The following STOX2 variants were observed in gnomAD, a reference collection of about 807,000 sequenced individuals.
STOX2 encodes the protein storkhead-box protein 2.
Under a neutral mutation model 60.9 loss-of-function variants are expected in STOX2, and 28 were observed. The ratio of observed to expected loss-of-function variants is 0.46; its 90% CI spans 0.34 to 0.63. The LOEUF (loss-of-function observed/expected upper bound fraction) is 0.63, where lower values mean the gene tolerates loss of function less well. Ranked by LOEUF, STOX2 falls within the 30% of genes least tolerant of loss-of-function variation. The pLI is 0.01. For synonymous variants in STOX2, 472 were observed against 463.9 expected (o/e 1.02, Z -0.22); for missense variants, 1,024 against 1,187.7 (o/e 0.86, Z 2.03).
chr4:183,912,777 C>T (rs933425922), intron 1 of STOX2, among the ~76,000 whole-genome samples: 4 of 152,058 alleles, frequency 2.6e-5, no homozygotes, highest in Non-Finnish European at 4.4e-5. Context: ...GGCATGTATC[C>T]GGCACACAGT....
intron 1 of STOX2, among the ~76,000 whole-genome samples, chr4:183,922,491 G>A (rs79039217): frequency 3.3e-5 from 5 of 151,610 alleles, no homozygotes; most frequent in Admixed American, 6.6e-5. Context: ...GATTACAGGC[G>A]CCCCCCACCA....
chr4:183,957,753 T>C (rs536165644), intron 1 of STOX2, among the ~76,000 whole-genome samples: 39 of 152,348 alleles, frequency 2.6e-4, no homozygotes, highest in African/African-American at 8.4e-4. Context: ...TTGGACCTAT[T>C]TGTGATGATC....
At position 183,833,908 on chromosome 4, in the gene STOX2, G is replaced by T. The variant is rs545613934; in HGVS notation, c.364+35853G>T. On this transcript the variant is annotated intron_variant, in intron 1 of 2. Coordinates refer to the STOX2 transcript ENST00000513034. ...GAGGCAGGAGAATGGCGTGAACCCG[G>T]GAGGCGGAGCTTGCAGTGAGCCGAG... Among the ~76,000 whole-genome samples the T allele has an allele frequency of 9.3e-5, 14 of 150,924 alleles. No individual in the cohort carries two copies. The East Asian group carries it at 2.7e-3, about 29-fold the overall frequency.
intron 1 of STOX2, among the ~76,000 whole-genome samples, chr4:183,841,092 T>C (rs1037522741): frequency 6.6e-6 from 1 of 152,236 alleles, no homozygotes; most frequent in Admixed American, 6.5e-5. Context: ...GGTCTCAAAT[T>C]CTTGGGCTCA....
At chr4:183,926,146 A>T (rs1282522179) in intron 1 of STOX2, among the ~76,000 whole-genome samples, 1 of 152,246 alleles carries the variant, frequency 6.6e-6, no homozygotes. Flanking sequence ...ATGTGTTTTT[A>T]AAATTCAGAG....
Position 183,806,945 on chromosome 4 carries a change from T to A in STOX2, c.364+8890T>A, listed in dbSNP as rs1738904858. On this transcript the variant is annotated intron_variant, in intron 1 of 2. Transcript: ENST00000513034. This position sits in a 1 kb window ranked among gnomAD's most constrained non-coding sequence, Gnocchi z 4.1. ...CCCCCATGCCTGGAGGGGGCCTTTG[T>A]GAGTCCCAGATGCTTTCTGACACTT... Among the ~76,000 whole-genome samples, 1 of 151,116 alleles carries A rather than the reference T, an allele frequency of 6.6e-6. No homozygotes were observed. Among genetic ancestry groups the A allele is most frequent in the Admixed American group, 6.6e-5 (1 of 15,126 alleles).
chr4:184,014,823 T>C (rs1471863118), intron 3 of STOX2: 1 of 152,178 alleles, frequency 6.6e-6, no homozygotes, highest in Non-Finnish European at 1.5e-5. Flanking sequence ...GATCTTACAG[T>C]AGAGACAGAC....
chr4:183,955,329 G>C (rs956458166), intron 1 of STOX2, among the ~76,000 whole-genome samples: 1 of 152,170 alleles, frequency 6.6e-6, no homozygotes, highest in Non-Finnish European at 1.5e-5. Flanking sequence ...ACAGCCATTC[G>C]TTTTGTCTGC....
chr4:183,838,337 A>T (rs1739765841), intron 1 of STOX2, among the ~76,000 whole-genome samples: 1 of 151,494 alleles, frequency 6.6e-6, no homozygotes, highest in African/African-American at 2.4e-5. Context: ...ATATATTGAA[A>T]TATTTAAATA....
chr4:184,005,771 T>G (rs1255147890), intron 2 of STOX2, among the ~76,000 whole-genome samples: 3 of 152,206 alleles, frequency 2.0e-5, no homozygotes, highest in African/African-American at 7.2e-5. Flanking sequence ...TAGGGCTTCA[T>G]AATACAATGA....
chr4:184,021,235 G>T lies in STOX2; in HGVS notation c.*3951G>T, dbSNP rs1392045257. 1 of 152,120 alleles carries T rather than the reference G, an allele frequency of 6.6e-6. No homozygotes were observed. The highest frequency in any genetic ancestry group is 1.9e-4 in the East Asian group (1 of 5,200). 9.4% of individuals were successfully genotyped at this position (152,120 alleles called of 1,614,324 possible). On this transcript the variant is annotated 3_prime_UTR_variant, in exon 4 of 4. Coordinates refer to ENST00000308497, the MANE Select transcript of STOX2 (RefSeq NM_020225.3). ...GATTTACAAACAATTCACAAGACAG[G>T]TCATCTTTGTAATACGCATACTTAC... is the stretch of plus-strand genomic sequence containing the variant.
intron 1 of STOX2, among the ~76,000 whole-genome samples, chr4:183,966,448 G>A (rs1311732054): frequency 1.3e-5 from 2 of 152,254 alleles, no homozygotes; most frequent in African/African-American, 4.8e-5. Context: ...AGTGCCCTGA[G>A]TCAGTTCTGC....
intron 1 of STOX2, among the ~76,000 whole-genome samples, chr4:183,926,239 A>G (rs1473171707): frequency 6.6e-6 from 1 of 152,218 alleles, no homozygotes; most frequent in Non-Finnish European, 1.5e-5. Flanking sequence ...AAAATTAAGA[A>G]AATAAGATAA....
chr4:183,934,920 G>C (rs1198405707), intron 1 of STOX2, among the ~76,000 whole-genome samples: 1 of 152,242 alleles, frequency 6.6e-6, no homozygotes, highest in African/African-American at 2.4e-5. Context: ...GAACGCACAA[G>C]CAGGCTGACT....
intron 1 of STOX2, among the ~76,000 whole-genome samples, chr4:183,872,724 C>G (rs907539537): frequency 6.6e-6 from 1 of 152,084 alleles, no homozygotes; most frequent in Non-Finnish European, 1.5e-5. Context: ...AGTAAATAAA[C>G]AAGATAAACC....
chr4:183,804,241 T>C (rs1738832952), intron 1 of STOX2, among the ~76,000 whole-genome samples: 1 of 152,226 alleles, frequency 6.6e-6, no homozygotes, highest in Admixed American at 6.5e-5. Context: ...GGATGCCTAC[T>C]TAATAAGTGA....
rs60213127 is a variant in STOX2 at position 183,843,147 on chromosome 4, C to CAA, written c.364+45107_364+45108dup. Among the ~76,000 whole-genome samples the CAA allele has an allele frequency of 1.9e-3, 196 of 102,152 alleles. 1 individual carries two copies. The highest frequency in any genetic ancestry group is 6.9e-3 in the African/African-American group (188 of 27,126). The allele number at this position is 102,152 out of a possible 152,430, so 67.0% of individuals were successfully genotyped here. On this transcript the variant is annotated intron_variant, in intron 1 of 2. Coordinates refer to the STOX2 transcript ENST00000513034. ...TGAGAGACAGAGCGAGACTCCATCT[C>CAA]AAAAAAAAAAAAAAAAGAAAAAGAA...
At position 183,856,163 on chromosome 4, in the gene STOX2, A is replaced by G. The variant is rs560478188; in HGVS notation, c.364+58108A>G. ...TAGGCTGGTCACAGATTTCTAGGAC[A>G]CTGAGGCCCATTTAGTGTATTGAAG... On this transcript the variant is annotated intron_variant, in intron 1 of 2. Transcript: ENST00000513034. The surrounding 1 kb of genome is among the most constrained non-coding windows in gnomAD (Gnocchi z 4.0). 6.6e-5 allele frequency among the ~76,000 whole-genome samples: 10 copies of G among 152,278 alleles called. 1 individual carries two copies. The South Asian group carries it at 1.9e-3, about 28-fold the overall frequency.
chr4:183,861,718 C>T (rs1435097873), intron 1 of STOX2, among the ~76,000 whole-genome samples: 3 of 152,128 alleles, frequency 2.0e-5, no homozygotes, highest in African/African-American at 7.2e-5. Context: ...ATGTAAAGTG[C>T]CTCGCAGGGC....
Sources: gnomAD v4.1 joint callset for allele counts (sites outside exome capture counted in the v4.1 genomes callset) on GRCh38, gnomAD v4.1.1 for gene constraint, Gnocchi (gnomAD v3.1) non-coding constraint, MANE v1.5 for transcripts, NCBI Gene and HGNC (gene_info 2026-07-23, HGNC 2026-07-21) for gene names.